CSGALNACT1: variants seen among roughly 807,000 people sequenced by gnomAD.
CSGALNACT1 encodes the protein beta4GalNAcT-1.
Under a neutral mutation model 51.0 loss-of-function variants are expected in CSGALNACT1, and 52 were observed. The observed-to-expected ratio is 1.02, with a 90% CI of 0.82 to 1.29. The LOEUF is 1.29. Ranked by LOEUF, CSGALNACT1 falls within the 50% of genes most tolerant of loss-of-function variation. CSGALNACT1 has a pLI of 0.00. For missense variants in CSGALNACT1, 935 were observed against 679.2 expected, an observed-to-expected ratio of 1.38 and a Z score of -4.19; for synonymous variants, 341 against 254.4, an observed-to-expected ratio of 1.34 and a Z score of -3.24.
intron 4 of CSGALNACT1, among the ~76,000 whole-genome samples, chr8:19,500,695 T>C (rs944479730): frequency 3.9e-5 from 6 of 152,222 alleles, no homozygotes; most frequent in Admixed American, 2.0e-4. Context: ...GAGGTTGGCA[T>C]TGACTGTACA....
chr8:19,474,869 G>GAAAAAAAAAAAAAAAAAAAAA (rs10683237), intron 4 of CSGALNACT1, among the ~76,000 whole-genome samples: 4 of 86,168 alleles, frequency 4.6e-5, no homozygotes, highest in Admixed American at 1.7e-4. Flanking sequence ...CTCTGTCTCA[G>GAAAAAAAAAAAAAAAAAAAAA]AAAAAAAAAA....
intron 3 of CSGALNACT1, among the ~76,000 whole-genome samples, chr8:19,511,765 A>C (rs552258151): frequency 7.9e-5 from 12 of 152,296 alleles, no homozygotes; most frequent in Admixed American, 2.6e-4. Flanking sequence ...ATTTATAAAG[A>C]AAAGAGGTTT....
At chr8:19,536,477 T>G (rs377161033) in intron 3 of CSGALNACT1, among the ~76,000 whole-genome samples, 1 of 152,158 alleles carries the variant, frequency 6.6e-6, no homozygotes, top group East Asian at 1.9e-4. Flanking sequence ...TGTACATGCC[T>G]TATGTGCTGA....
At chr8:19,489,570 C>T (rs2073904383) in intron 4 of CSGALNACT1, among the ~76,000 whole-genome samples, 1 of 152,120 alleles carries the variant, frequency 6.6e-6, no homozygotes. Context: ...AGGCAACGTG[C>T]TTAATATTAG....
chr8:19,742,380 A>G (rs1335265716), intron 1 of CSGALNACT1, among the ~76,000 whole-genome samples: 1 of 152,240 alleles, frequency 6.6e-6, no homozygotes, highest in Non-Finnish European at 1.5e-5. Flanking sequence ...TAACCTGTTT[A>G]TCTCTTGGGT....
chr8:19,628,304 C>T (rs2054714332), intron 1 of CSGALNACT1, among the ~76,000 whole-genome samples: 2 of 152,142 alleles, frequency 1.3e-5, no homozygotes, highest in South Asian at 4.1e-4. Flanking sequence ...GTACATCTTA[C>T]ATGGTGGCAG....
rs576690118 is a variant in CSGALNACT1, at chr8:19,504,177, C to T, written c.634+1024G>A. On this transcript the variant is annotated intron_variant, in intron 4 of 9. Transcript: ENST00000454498. Reference sequence around the variant, plus strand: ...CTGCAAGCTCTGCCTCCTGGGTTCACGCCATTCTCCTGCCTCAGCCTCCCA... The same window carrying T: ...CTGCAAGCTCTGCCTCCTGGGTTCATGCCATTCTCCTGCCTCAGCCTCCCA... 1.1e-4 allele frequency among the ~76,000 whole-genome samples: 17 copies of T among 152,172 alleles called. No homozygotes were observed. The East Asian group carries it at 1.4e-3, about 12-fold the overall frequency.
intron 3 of CSGALNACT1, among the ~76,000 whole-genome samples, chr8:19,510,203 T>G (rs1374484469): frequency 6.6e-6 from 1 of 152,188 alleles, no homozygotes; most frequent in African/African-American, 2.4e-5. Flanking sequence ...CATCTGAAAC[T>G]GTGGATTTCT....
chr8:19,722,550 G>C (rs952632859), intron 1 of CSGALNACT1, among the ~76,000 whole-genome samples: 1 of 152,126 alleles, frequency 6.6e-6, no homozygotes, highest in Non-Finnish European at 1.5e-5. Flanking sequence ...ATTTGCACAT[G>C]GTCTCCCCAG....
chr8:19,592,491 C>G (rs1415445615), intron 2 of CSGALNACT1, among the ~76,000 whole-genome samples: 1 of 152,186 alleles, frequency 6.6e-6, no homozygotes, highest in African/African-American at 2.4e-5. Flanking sequence ...GTGGCCCATG[C>G]CTGTAATCCC....
intron 5 of CSGALNACT1, among the ~76,000 whole-genome samples, chr8:19,440,878 T>C (rs948390619): frequency 6.6e-6 from 1 of 152,118 alleles, no homozygotes; most frequent in African/African-American, 2.4e-5. Context: ...AGTCTCAGGA[T>C]ATAAAATCAA....
intron 1 of CSGALNACT1, among the ~76,000 whole-genome samples, chr8:19,637,167 T>A (rs375166022): frequency 6.6e-6 from 1 of 152,014 alleles, no homozygotes; most frequent in African/African-American, 2.4e-5. Context: ...GATCGCACCA[T>A]TGCACTCCAG....
At chr8:19,578,502 G>C (rs549332832) in intron 3 of CSGALNACT1, among the ~76,000 whole-genome samples, 1 of 151,534 alleles carries the variant, frequency 6.6e-6, no homozygotes, top group Admixed American at 6.5e-5. Flanking sequence ...TTTTATTTAA[G>C]TGACTGTATT....
Position 19,554,771 on chromosome 8 carries a change from A to G in CSGALNACT1, c.-297+36389T>C, listed in dbSNP as rs11780717. ...CGTCTCTACTAAAAATACAAAAATT[A>G]GCTGGGTGTGGTGGCACACACCTGT... On this transcript the variant is annotated intron_variant, in intron 3 of 9. Coordinates refer to ENST00000454498, the Ensembl canonical transcript of CSGALNACT1. Among the ~76,000 whole-genome samples, 1,140 of 152,216 alleles carry G rather than the reference A, an allele frequency of 7.5e-3. 12 individuals carry two copies. Among genetic ancestry groups the G allele is most frequent in the Non-Finnish European group, 0.012 (784 of 68,006 alleles).
chr8:19,473,244 C>T (rs2068626342), intron 4 of CSGALNACT1, among the ~76,000 whole-genome samples: 1 of 152,126 alleles, frequency 6.6e-6, no homozygotes, highest in Admixed American at 6.5e-5. Flanking sequence ...AGCAAGATTG[C>T]TAGAGGATTT....
intron 1 of CSGALNACT1, among the ~76,000 whole-genome samples, chr8:19,707,650 A>G (rs1160014398): frequency 8.2e-6 from 1 of 122,340 alleles, no homozygotes; most frequent in East Asian, 3.0e-4. Flanking sequence ...AGACTAGATA[A>G]ACAGTATATG....
At chr8:19,515,688 A>G (rs1276344755) in intron 3 of CSGALNACT1, among the ~76,000 whole-genome samples, 1 of 152,232 alleles carries the variant, frequency 6.6e-6, no homozygotes, top group African/African-American at 2.4e-5. Flanking sequence ...CACAAGCACC[A>G]AAAGGTCAAG....
chr8:19,580,150 T>C (rs1410810955), intron 3 of CSGALNACT1, among the ~76,000 whole-genome samples: 1 of 152,202 alleles, frequency 6.6e-6, no homozygotes, highest in Non-Finnish European at 1.5e-5. Context: ...GCAGTCTTAC[T>C]GGGATGAGGA....
upstream of CSGALNACT1, among the ~76,000 whole-genome samples, chr8:19,606,995 A>G (rs2051471718): frequency 6.6e-6 from 1 of 152,102 alleles, no homozygotes; most frequent in Admixed American, 6.6e-5. Context: ...CTGTACTAAA[A>G]ATACAAAAAA....
Sources: gnomAD v4.1 joint callset for allele counts (sites outside exome capture counted in the v4.1 genomes callset) on GRCh38, gnomAD v4.1.1 for gene constraint, MANE v1.5 for transcripts, NCBI Gene and HGNC (gene_info 2026-07-23, HGNC 2026-07-21) for gene names.